The following ITSN1 variants were observed in gnomAD, a reference collection of about 807,000 sequenced individuals.
The protein encoded by ITSN1 is intersectin-1.
ITSN1 carries 58 observed loss-of-function variants against 239.8 expected under a neutral mutation model. The ratio of observed to expected loss-of-function variants is 0.24; its 90% CI spans 0.20 to 0.30. The LOEUF (loss-of-function observed/expected upper bound fraction) is 0.30. Ranked by LOEUF, ITSN1 falls within the 10% of genes least tolerant of loss-of-function variation. The pLI is 1.00. For missense variants in ITSN1, 1,558 were observed against 2,103.3 expected, an observed-to-expected ratio of 0.74 and a Z score of 5.07; for synonymous variants, 780 against 770.8, an observed-to-expected ratio of 1.01 and a Z score of -0.20.
At chr21:33,656,132 G>C (rs770848065) in intron 1 of ITSN1, among the ~76,000 whole-genome samples, 1 of 152,102 alleles carries the variant, frequency 6.6e-6, no homozygotes, top group African/African-American at 2.4e-5. Context: ...TGGCATGATC[G>C]TGTGTCTGAA....
intron 12 of ITSN1, among the ~76,000 whole-genome samples, chr21:33,773,286 G>A (rs953882770): frequency 1.1e-4 from 16 of 152,030 alleles, no homozygotes; most frequent in Non-Finnish European, 2.9e-5. Context: ...GGGATTACAG[G>A]CATGAGCCAC....
chr21:33,646,922 G>C (rs1326606719), intron 1 of ITSN1, among the ~76,000 whole-genome samples: 3 of 151,874 alleles, frequency 2.0e-5, no homozygotes, highest in Admixed American at 2.0e-4. Flanking sequence ...GGAGATCAAG[G>C]CTGCAGTGAG....
At chr21:33,654,577 C>A (rs1402595011) in intron 1 of ITSN1, among the ~76,000 whole-genome samples, 3 of 152,050 alleles carry the variant, frequency 2.0e-5, no homozygotes, top group African/African-American at 7.2e-5. Context: ...CTACCTCCTT[C>A]TCTACACAAA....
rs535344531 is a variant in ITSN1 at position 33,714,110 on chromosome 21, G to A, written c.-32-4687G>A. On this transcript the variant is annotated intron_variant, in intron 1 of 39. Transcript: ENST00000381318. Reference sequence around the variant, plus strand: ...CTCCCAAAGTGCTGGAATTACAGGCGTGAGCCACCGCCCCTGGCCCAGCCT... The same window carrying A: ...CTCCCAAAGTGCTGGAATTACAGGCATGAGCCACCGCCCCTGGCCCAGCCT... Among the ~76,000 whole-genome samples the A allele has an allele frequency of 2.3e-3, 346 of 149,918 alleles. 1 individual carries two copies. Among genetic ancestry groups the A allele is most frequent in the African/African-American group, 8.2e-3 (336 of 41,048 alleles).
intron 20 of ITSN1, among the ~76,000 whole-genome samples, chr21:33,802,952 A>G (rs77556568): frequency 0.016 from 2,386 of 152,352 alleles, 28 homozygotes; most frequent in Middle Eastern, 0.031. Context: ...TACCCCTGTT[A>G]CATAAAGATT....
chr21:33,882,856 T>C lies in ITSN1; in HGVS notation c.4554+401T>C, dbSNP rs1985154354. 6.6e-6 allele frequency among the ~76,000 whole-genome samples: 1 copy of C among 152,212 alleles called. No individual in the cohort carries two copies. The highest frequency in any genetic ancestry group is 1.5e-5 in the Non-Finnish European group (1 of 68,044). On this transcript the variant is annotated intron_variant, in intron 35 of 39. Coordinates refer to ENST00000381318, the MANE Select transcript of ITSN1 (RefSeq NM_003024.3). This position sits in a 1 kb window ranked among gnomAD's most constrained non-coding sequence, Gnocchi z 4.5. ...CCCTGCCAGACTTCTCCAGGTAGCT[T>C]GAAACATCCGAGCCCCCTCCTTTCT...
In ITSN1 at chr21:33,856,840, C is replaced by T; in HGVS notation, c.3766C>T (p.Leu1256=). Residue 1256 remains leucine (L), a synonymous_variant, in exon 30 of 40, where the codon CTG becomes TTG. Coordinates refer to ENST00000381318, the MANE Select transcript of ITSN1 (RefSeq NM_003024.3). ...CACCGAGGAGAACTATGTGAATGAC[C>T]TGCAGCTGGTCACAGAGGTAAGGGA... The part of the protein sequence containing the change: ...IVTEENYVND[L]QLVTEIFQKP... The T allele has an allele frequency of 1.9e-6, 3 of 1,614,012 alleles. No homozygotes were observed. The highest frequency in any genetic ancestry group is 2.5e-6 in the Non-Finnish European group (3 of 1,179,978).
intron 1 of ITSN1, among the ~76,000 whole-genome samples, chr21:33,708,575 C>CG (rs34222075): frequency 1 from 151,846 of 152,136 alleles, 75,780 homozygotes; most frequent in Middle Eastern, 1. Context: ...TTAGTAGAGA[C>CG]GGGTTTCTCC....
chr21:33,764,975 A>T (rs975833335), intron 9 of ITSN1, among the ~76,000 whole-genome samples: 2 of 152,244 alleles, frequency 1.3e-5, no homozygotes, highest in African/African-American at 4.8e-5. Context: ...TCCACTGTGT[A>T]GGCCTAGATT....
intron 1 of ITSN1, among the ~76,000 whole-genome samples, chr21:33,699,688 C>T (rs1231322476): frequency 6.6e-6 from 1 of 152,172 alleles, no homozygotes; most frequent in African/African-American, 2.4e-5. Context: ...CACTGCTTTC[C>T]AGCCTGGGTG....
rs569757461 is a variant in ITSN1, at chr21:33,782,238, A to G, written c.1824+105A>G. Reference sequence around the variant, plus strand: ...CACAGGCAGAAAAATTTATTATGCCATTGTGAGACAATCTAAATTGCACTT... The same window carrying G: ...CACAGGCAGAAAAATTTATTATGCCGTTGTGAGACAATCTAAATTGCACTT... On this transcript the variant is annotated intron_variant, in intron 16 of 39. Coordinates refer to ENST00000381318, the MANE Select transcript of ITSN1 (RefSeq NM_003024.3). 39 of 1,084,718 alleles carry G rather than the reference A, an allele frequency of 3.6e-5. No homozygotes were observed. In the African/African-American group the frequency reaches 5.9e-4, roughly 16 times the overall value. The allele number at this position is 1,084,718 out of a possible 1,614,324, so 67.2% of individuals were successfully genotyped here. A position where few individuals can be genotyped will look rare whatever the true frequency, so the allele number is the denominator to read the frequency against.
chr21:33,642,681 T>G lies in ITSN1; in HGVS notation c.-65T>G, dbSNP rs1406775392. Reference sequence around the variant, plus strand: ...CGCGTGAGCGGCACTGATTTGTCCCTGGGGCGGCAGCGCGGACCCGCCCGG... The same window carrying G: ...CGCGTGAGCGGCACTGATTTGTCCCGGGGGCGGCAGCGCGGACCCGCCCGG... On this transcript the variant is annotated 5_prime_UTR_variant, in exon 1 of 40. Transcript: ENST00000381318. 2.0e-5 allele frequency: 3 copies of G among 152,418 alleles called. No homozygotes were observed. Among genetic ancestry groups the G allele is most frequent in the Non-Finnish European group, 4.4e-5 (3 of 68,138 alleles). 9.4% of individuals were successfully genotyped at this position (152,418 alleles called of 1,614,324 possible).
chr21:33,784,967 A>AT (rs1033857802), intron 16 of ITSN1, among the ~76,000 whole-genome samples: 15 of 152,160 alleles, frequency 9.9e-5, no homozygotes, highest in Non-Finnish European at 2.9e-5. Flanking sequence ...GGGATGTGTC[A>AT]TTTCACACAT....
At chr21:33,670,436 A>G (rs1470824310) in intron 1 of ITSN1, among the ~76,000 whole-genome samples, 4 of 152,232 alleles carry the variant, frequency 2.6e-5, no homozygotes, top group African/African-American at 9.6e-5. Flanking sequence ...AAAATGAAAA[A>G]TAAACCCATG....
intron 1 of ITSN1, among the ~76,000 whole-genome samples, chr21:33,697,917 T>G (rs1443847728): frequency 6.6e-6 from 1 of 152,206 alleles, no homozygotes; most frequent in Non-Finnish European, 1.5e-5. Flanking sequence ...GATAATAACT[T>G]TTCAGATGTT....
At chr21:33,765,467 G>A (rs2068653069) in intron 9 of ITSN1, among the ~76,000 whole-genome samples, 1 of 152,202 alleles carries the variant, frequency 6.6e-6, no homozygotes, top group African/African-American at 2.4e-5. Flanking sequence ...TGAGGCTGCA[G>A]TGAACTGTGA....
chr21:33,713,471 T>A, intron 1 of ITSN1, among the ~76,000 whole-genome samples: 1 of 152,000 alleles, frequency 6.6e-6, no homozygotes, highest in East Asian at 1.9e-4. Context: ...CTCAATCTGC[T>A]GACCTCATGA....
At chr21:33,794,975 G>C (rs1379385305) in intron 17 of ITSN1, among the ~76,000 whole-genome samples, 1 of 152,180 alleles carries the variant, frequency 6.6e-6, no homozygotes, top group Non-Finnish European at 1.5e-5. Context: ...GTTTTTGTTT[G>C]AAGATTTATT....
At chr21:33,698,487 A>G (rs1278564002) in intron 1 of ITSN1, among the ~76,000 whole-genome samples, 4 of 152,218 alleles carry the variant, frequency 2.6e-5, no homozygotes, top group Non-Finnish European at 4.4e-5. Flanking sequence ...TCTTCTTTTT[A>G]TCAGGTTCTT....
Sources: gnomAD v4.1 joint callset for allele counts (sites outside exome capture counted in the v4.1 genomes callset) on GRCh38, gnomAD v4.1.1 for gene constraint, Gnocchi (gnomAD v3.1) non-coding constraint, MANE v1.5 for transcripts, NCBI Gene and HGNC (gene_info 2026-07-23, HGNC 2026-07-21) for gene names.